Variants in AGAP1 observed in about 807,000 individuals in gnomAD.
AGAP1 encodes the protein ArfGAP with GTPase domain, ankyrin repeat and PH domain 1, also known as arf-GAP with GTPase, ANK repeat and PH domain-containing protein 1.
AGAP1 carries 29 observed loss-of-function variants against 105.3 expected under a neutral mutation model. That is an observed-to-expected ratio of 0.28 (90% CI 0.21 to 0.38). The LOEUF is 0.38. Ranked by LOEUF, AGAP1 falls within the 10% of genes least tolerant of loss-of-function variation. The pLI is 1.00. For missense variants in AGAP1, 998 were observed against 1,165.1 expected (o/e 0.86, Z 2.09); for synonymous variants, 509 against 485.9 (o/e 1.05, Z -0.63).
At chr2:235,897,175 A>G (rs1324041930) in intron 10 of AGAP1, among the ~76,000 whole-genome samples, 2 of 152,078 alleles carry the variant, frequency 1.3e-5, no homozygotes, top group African/African-American at 2.4e-5. Context: ...CTCTGTCTCC[A>G]GGGTTCAAGC....
At chr2:235,839,445 G>A (rs998653034) in intron 9 of AGAP1, among the ~76,000 whole-genome samples, 1 of 152,196 alleles carries the variant, frequency 6.6e-6, no homozygotes, top group African/African-American at 2.4e-5. Flanking sequence ...CACCTGGAGA[G>A]CTTAAAAAAG....
At position 236,038,048 on chromosome 2, in the gene AGAP1, C is replaced by G. The variant is rs1034801707; in HGVS notation, c.1800+1333C>G. The stretch of plus-strand genomic sequence containing the variant: ...CCCTCTTTAACCAGGGTAAACCAGA[C>G]CACAGTCATTATTATTATAATGTAA... On this transcript the variant is annotated intron_variant, in intron 14 of 17. Transcript: ENST00000304032. This position sits in a 1 kb window ranked among gnomAD's most constrained non-coding sequence, Gnocchi z 4.5. Among the ~76,000 whole-genome samples the G allele has an allele frequency of 2.6e-5, 4 of 152,124 alleles. No homozygotes were observed. Among genetic ancestry groups the G allele is most frequent in the Admixed American group, 1.3e-4 (2 of 15,270 alleles).
At chr2:236,033,101 C>T (rs1451762413) in intron 13 of AGAP1, among the ~76,000 whole-genome samples, 3 of 152,114 alleles carry the variant, frequency 2.0e-5, no homozygotes, top group Admixed American at 6.6e-5. Context: ...CAAAATTAGC[C>T]GGATATGGTG....
intron 9 of AGAP1, among the ~76,000 whole-genome samples, chr2:235,813,372 C>T (rs575033830): frequency 6.6e-6 from 1 of 152,252 alleles, no homozygotes; most frequent in Admixed American, 6.5e-5. Context: ...GCCCTAGGTG[C>T]ATCATACACG....
In AGAP1 at chr2:235,968,593, A is replaced by T; in HGVS notation, c.1615A>T (p.Lys539Ter). Residue 539 changes from lysine (K) to a stop codon, truncating the protein, a stop_gained, in exon 13 of 18, where the codon AAA (lysine) becomes TAA (stop). Coordinates refer to ENST00000304032, the MANE Select transcript of AGAP1 (RefSeq NM_001037131.3). LOFTEE classifies it high-confidence loss of function. The part of the protein sequence containing the change: ...HRRKKSTSNF[K>*]ADGLSGTAEE... ...AAGGAAGAAAAGCACTAGCAACTTC[A>T]AAGCCGACGGCCTGTCCGGCACTGC... The T allele has an allele frequency of 6.5e-7, 1 of 1,528,622 alleles. No individual in the cohort carries two copies. The highest frequency in any genetic ancestry group is 8.9e-7 in the Non-Finnish European group (1 of 1,127,416). The allele number at this position is 1,528,622 out of a possible 1,614,324, so 94.7% of individuals were successfully genotyped here. A position where few individuals can be genotyped will look rare whatever the true frequency, so the allele number is the denominator to read the frequency against.
chr2:236,036,740 C>T lies in AGAP1; in HGVS notation c.1800+25C>T, dbSNP rs114671149. ...GGTGAGGCCCCTGGCTGCCCAAAAC[C>T]AAGGCTGGGGCTGCTCAGGGGGAGT... On this transcript the variant is annotated intron_variant, in intron 14 of 17. Transcript: ENST00000304032. The surrounding 1 kb of genome is among the most constrained non-coding windows in gnomAD (Gnocchi z 5.7). 6.6e-4 allele frequency: 1,071 copies of T among 1,613,736 alleles called. 11 individuals are homozygous for T. The African/African-American group carries it at 0.012, about 18-fold the overall frequency.
intron 14 of AGAP1, chr2:236,037,446 G>T (rs916364643): frequency 5.9e-5 from 9 of 152,130 alleles, no homozygotes; most frequent in African/African-American, 1.9e-4. Context: ...CACCTAGGCT[G>T]GAGTACAGTG....
intron 16 of AGAP1, among the ~76,000 whole-genome samples, chr2:236,115,165 A>C (rs1455884635): frequency 6.6e-6 from 1 of 152,206 alleles, no homozygotes; most frequent in Non-Finnish European, 1.5e-5. Context: ...TGCCGCTTCC[A>C]CGGGTGAGCT....
At chr2:235,782,466 T>C (rs1376953190) in intron 6 of AGAP1, among the ~76,000 whole-genome samples, 1 of 152,206 alleles carries the variant, frequency 6.6e-6, no homozygotes, top group African/African-American at 2.4e-5. Flanking sequence ...TGTATTTGAG[T>C]GTCCACAGTG....
Position 236,044,408 on chromosome 2 carries a change from C to T in AGAP1, c.1891+3567C>T, listed in dbSNP as rs2057653407. Among the ~76,000 whole-genome samples the T allele has an allele frequency of 6.6e-6, 1 of 152,176 alleles. No homozygotes were observed. Among genetic ancestry groups the T allele is most frequent in the African/African-American group, 2.4e-5 (1 of 41,430 alleles). On this transcript the variant is annotated intron_variant, in intron 15 of 17. Coordinates refer to ENST00000304032, the MANE Select transcript of AGAP1 (RefSeq NM_001037131.3). This position sits in a 1 kb window ranked among gnomAD's most constrained non-coding sequence, Gnocchi z 5.7. The stretch of plus-strand genomic sequence containing the variant: ...ACCTTCATGGACAGGCCCTGAGAGG[C>T]AGCTCACCGTTTCTGCTGCTTTCTC...
chr2:235,715,968 C>A (rs923283104), intron 2 of AGAP1, among the ~76,000 whole-genome samples: 1 of 152,084 alleles, frequency 6.6e-6, no homozygotes, highest in South Asian at 2.1e-4. Flanking sequence ...GCATAGGTGG[C>A]GTACGGATGT....
In AGAP1 at chr2:235,867,874, C is replaced by T. The variant is rs2049257852; in HGVS notation, c.1051-15471C>T. Among the ~76,000 whole-genome samples, 1 of 152,056 alleles carries T rather than the reference C, an allele frequency of 6.6e-6. No homozygotes were observed. Among genetic ancestry groups the T allele is most frequent in the Admixed American group, 6.6e-5 (1 of 15,266 alleles). ...TTTCCAATGATGACATTCCATCCAC[C>T]CACCACCCACCCAGATGCGCTTCTC... On this transcript the variant is annotated intron_variant, in intron 9 of 17. Transcript: ENST00000304032. The surrounding 1 kb of genome is among the most constrained non-coding windows in gnomAD (Gnocchi z 5.4).
intron 1 of AGAP1, among the ~76,000 whole-genome samples, chr2:235,585,449 C>A (rs1319520855): frequency 6.6e-6 from 1 of 152,164 alleles, no homozygotes; most frequent in Non-Finnish European, 1.5e-5. Flanking sequence ...ATCTCAAAAT[C>A]TTTCACCTCT....
intron 9 of AGAP1, among the ~76,000 whole-genome samples, chr2:235,860,313 G>C (rs114527566): frequency 6.6e-6 from 1 of 152,036 alleles, no homozygotes; most frequent in East Asian, 1.9e-4. Flanking sequence ...AAGTGCGTTC[G>C]GTATTTCCTT....
rs1951395386 is a variant in AGAP1 at position 235,721,699 on chromosome 2, A to G, written c.310+4055A>G. ...TCTATGTCTGTGCGGTTCTGATTTA[A>G]TTAGTGTGTGCATATCCTTTATATT... On this transcript the variant is annotated intron_variant, in intron 3 of 17. Coordinates refer to ENST00000304032, the MANE Select transcript of AGAP1 (RefSeq NM_001037131.3). This position sits in a 1 kb window ranked among gnomAD's most constrained non-coding sequence, Gnocchi z 4.5. 6.6e-6 allele frequency among the ~76,000 whole-genome samples: 1 copy of G among 152,142 alleles called. No homozygotes were observed. Among genetic ancestry groups the G allele is most frequent in the African/African-American group, 2.4e-5 (1 of 41,434 alleles).
intron 1 of AGAP1, among the ~76,000 whole-genome samples, chr2:235,580,471 T>C (rs1574894202): frequency 6.7e-6 from 1 of 148,272 alleles, no homozygotes; most frequent in Non-Finnish European, 1.5e-5. Flanking sequence ...GGAGGGAGGG[T>C]TGGGGAGGGT....
intron 1 of AGAP1, among the ~76,000 whole-genome samples, chr2:235,645,777 G>T (rs553566284): frequency 6.6e-6 from 1 of 152,294 alleles, no homozygotes; most frequent in Non-Finnish European, 1.5e-5. Context: ...TCTGCTACCT[G>T]TTTCTTGTGT....
In AGAP1 at chr2:235,720,108, G is replaced by A. The variant is rs899267290; in HGVS notation, c.310+2464G>A. On this transcript the variant is annotated intron_variant, in intron 3 of 17. Transcript: ENST00000304032. The surrounding 1 kb of genome is among the most constrained non-coding windows in gnomAD (Gnocchi z 5.0). ...AACTTGTTGTAATGTCACTTGTAAT[G>A]AAGGGAGCCATACTTGTTGTTTGGG... is the stretch of plus-strand genomic sequence containing the variant. 1.3e-5 allele frequency among the ~76,000 whole-genome samples: 2 copies of A among 152,194 alleles called. No individual in the cohort carries two copies. Among genetic ancestry groups the A allele is most frequent in the Admixed American group, 1.3e-4 (2 of 15,276 alleles).
Position 235,750,409 on chromosome 2 carries a change from C to T in AGAP1, c.594C>T (p.Leu198=). ...TCGATGACGCCAGGGCGAGGAAGCT[C>T]TCCAACGACCTGAAACGGTGCACGT... ...RVIDDARARK[L]SNDLKRCTYY... is the part of the protein sequence containing the mutation. Residue 198 remains leucine (L), a synonymous_variant, in exon 6 of 18, where the codon CTC becomes CTT. Transcript: ENST00000304032. The surrounding 1 kb of genome is among the most constrained non-coding windows in gnomAD (Gnocchi z 5.3). 1.9e-6 allele frequency: 3 copies of T among 1,614,174 alleles called. No individual in the cohort carries two copies. Among genetic ancestry groups the T allele is most frequent in the African/African-American group, 1.3e-5 (1 of 75,036 alleles).
Sources: allele counts gnomAD v4.1 joint callset (sites outside exome capture counted in the v4.1 genomes callset), GRCh38; gene constraint gnomAD v4.1.1; non-coding constraint Gnocchi (gnomAD v3.1); transcripts MANE v1.5; gene names NCBI Gene and HGNC (gene_info 2026-07-23, HGNC 2026-07-21).